ZNF816: variants seen among roughly 807,000 people sequenced by gnomAD.
The protein encoded by ZNF816 is zinc finger protein 816.
ZNF816 carries 11 observed loss-of-function variants against 8.3 expected under a neutral mutation model. That is an observed-to-expected ratio of 1.32 (90% confidence interval 0.83 to 2.19). The LOEUF is 2.19. Ranked by LOEUF, ZNF816 falls within the 30% of genes most tolerant of loss-of-function variation. The pLI, the probability that ZNF816 is intolerant of heterozygous loss-of-function variation, is 0.00. For missense variants in ZNF816, 710 were observed against 779.3 expected (o/e 0.91, Z 1.06); for synonymous variants, 255 against 254.5 (o/e 1.00, Z -0.02).
Position 52,951,034 on chromosome 19 carries a change from G to T in ZNF816, c.741C>A (p.His247Gln). 1.2e-6 allele frequency: 2 copies of T among 1,613,914 alleles called. No homozygotes were observed. The highest frequency in any genetic ancestry group is 1.1e-5 in the South Asian group (1 of 91,062). ...AFNYSSLLRR[H>Q]HITHSREREY... ...CTCTCTCTCTTGAATGGGTTATGTG[G>T]TGTCTCCTTAAGAGTGAGCTATAAT... The change falls in exon 4 of 4, where the codon CAC becomes CAA. Residue 247 changes from histidine to glutamine, a missense_variant. By Grantham distance (24) the His-to-Gln change is conservative. Coordinates refer to ENST00000444460, the MANE Select transcript of ZNF816 (RefSeq NM_001202457.3).
chr19:52,955,934 G>A, intron 2 of ZNF816, 93 bp downstream of exon 2: 1 of 1,484,416 alleles, frequency 6.7e-7, no homozygotes, highest in Admixed American at 2.1e-5. Flanking sequence ...GTGTGATGTA[G>A]AATGCTTCAC....
intron 3 of ZNF816, chr19:52,951,875 G>T: frequency 2.4e-6 from 1 of 413,472 alleles, no homozygotes; most frequent in Non-Finnish European, 4.2e-6. Flanking sequence ...TCCAGCCTGG[G>T]CAACAAGAGC....
At chr19:52,959,109 C>T (rs1490353222) in intron 1 of ZNF816, among the ~76,000 whole-genome samples, 1 of 152,222 alleles carries the variant, frequency 6.6e-6, no homozygotes, top group Non-Finnish European at 1.5e-5. Context: ...AAAGGTTAGC[C>T]CTCATGTTTG....
chr19:52,959,544 C>A (rs1208228978), intron 1 of ZNF816, among the ~76,000 whole-genome samples: 1 of 152,152 alleles, frequency 6.6e-6, no homozygotes, highest in Non-Finnish European at 1.5e-5. Flanking sequence ...GATGCCAGAT[C>A]GTTGTCCCAG....
intron 1 of ZNF816, 181 bp from the exon 2 acceptor site, chr19:52,956,285 C>T (rs1477905761): frequency 2.8e-5 from 18 of 632,684 alleles, no homozygotes; most frequent in Middle Eastern, 4.4e-4. Context: ...TAATTTTGAC[C>T]CGTTTTCAGA....
intron 1 of ZNF816, among the ~76,000 whole-genome samples, chr19:52,958,892 G>C (rs1422283587): frequency 6.6e-6 from 1 of 152,200 alleles, no homozygotes; most frequent in African/African-American, 2.4e-5. Flanking sequence ...GGAACCTTTT[G>C]AACGGAGATC....
chr19:52,952,873 C>A lies in ZNF816; in HGVS notation c.68G>T (p.Arg23Leu), dbSNP rs201394440. 1.3e-6 allele frequency: 2 copies of A among 1,594,638 alleles called. No homozygotes were observed. The highest frequency in any genetic ancestry group is 1.4e-5 in the African/African-American group (1 of 73,530). The change falls in exon 3 of 4, where the codon CGC becomes CTC. Residue 23 changes from arginine (R) to leucine (L), a missense_variant. By Grantham distance (102) the Arg-to-Leu change is moderately radical (BLOSUM62 -2). Coordinates refer to ENST00000444460, the MANE Select transcript of ZNF816 (RefSeq NM_001202457.3). ...TATAGCCACATCCCTGAAAGTCAAG[C>A]GTCCCTAAAATAAAAAACACGTTTC... ...KEPGMALPQG[R>L]LTFRDVAIEF...
rs200470966 is a variant in ZNF816 at position 52,956,002 on chromosome 19, G to T, written c.63+25C>A. 2,767 of 1,595,386 alleles carry T rather than the reference G, an allele frequency of 1.7e-3. 7 individuals are homozygous for T. The highest frequency in any genetic ancestry group is 3.9e-3 in the Admixed American group (208 of 53,584). Reference sequence around the variant, plus strand: ...CACTTCAGAAAGGAAAGAGACAGAAGAATCCACCAAGGAATATCACTTACC... The same window carrying T: ...CACTTCAGAAAGGAAAGAGACAGAATAATCCACCAAGGAATATCACTTACC... On this transcript the variant is annotated intron_variant, in intron 2 of 3. Transcript: ENST00000444460.
chr19:52,953,739 A>T (rs1458488559), intron 2 of ZNF816, among the ~76,000 whole-genome samples: 1 of 142,648 alleles, frequency 7.0e-6, no homozygotes, highest in Non-Finnish European at 1.5e-5. Flanking sequence ...TATATATTTT[A>T]TATATATATA....
chr19:52,952,170 A>C (rs1341860387), intron 3 of ZNF816, among the ~76,000 whole-genome samples: 1 of 152,098 alleles, frequency 6.6e-6, no homozygotes, highest in Non-Finnish European at 1.5e-5. Context: ...GGAGTTCAAG[A>C]CCAACTTGGC....
chr19:52,954,594 G>C (rs540456204), intron 2 of ZNF816, among the ~76,000 whole-genome samples: 2 of 152,116 alleles, frequency 1.3e-5, no homozygotes, highest in African/African-American at 4.8e-5. Context: ...GGAGGCCGAC[G>C]TGGAAGGATC....
chr19:52,952,622 A>G, intron 3 of ZNF816, 129 bp downstream of exon 3: 1 of 1,525,386 alleles, frequency 6.6e-7, no homozygotes, highest in Non-Finnish European at 8.8e-7. Flanking sequence ...GAGGGTCATC[A>G]CCGCAGAAAA....
At chr19:52,960,944 C>G (rs936563323) in intron 1 of ZNF816, among the ~76,000 whole-genome samples, 1 of 152,196 alleles carries the variant, frequency 6.6e-6, no homozygotes, top group East Asian at 1.9e-4. Context: ...GGAAGCTCAT[C>G]GTGGGACTCA....
chr19:52,953,634 A>G (rs905184061), intron 2 of ZNF816, among the ~76,000 whole-genome samples: 2 of 139,388 alleles, frequency 1.4e-5, no homozygotes, highest in African/African-American at 5.3e-5. Context: ...ATGATACAAT[A>G]TTATATATAA....
intron 2 of ZNF816, 57 bp downstream of exon 2, chr19:52,955,970 T>A: frequency 6.4e-7 from 1 of 1,574,088 alleles, no homozygotes; most frequent in African/African-American, 1.4e-5. Flanking sequence ...GCTACTACAA[T>A]ACCTGGCACT....
At position 52,949,953 on chromosome 19, in the gene ZNF816, GGCTT is replaced by G; in HGVS notation, c.1818_1821del (p.Ser607LeufsTer86). 1 of 1,613,926 alleles carries G rather than the reference GGCTT, an allele frequency of 6.2e-7. No individual in the cohort carries two copies. Among genetic ancestry groups the G allele is most frequent in the Non-Finnish European group, 8.5e-7 (1 of 1,179,896 alleles). Reference sequence around the variant, plus strand: ...GTATGAACTCTCTGATGTTTTGCAAGGCTTGCTTTTTGATTAAAAACCTTGCCAC... The same window carrying G: ...GTATGAACTCTCTGATGTTTTGCAAGGCTTTTTGATTAAAAACCTTGCCAC... On this transcript the variant is annotated frameshift_variant, in exon 4 of 4. Transcript: ENST00000444460. LOFTEE classifies it low-confidence loss of function (END_TRUNC).
rs1239668470 is a variant in ZNF816, at chr19:52,949,612, T to C, written c.*207A>G. 3.5e-6 allele frequency: 3 copies of C among 852,046 alleles called. No homozygotes were observed. The highest frequency in any genetic ancestry group is 5.9e-6 in the Non-Finnish European group (3 of 507,254). The allele number at this position is 852,046 out of a possible 1,614,324, so 52.8% of individuals were successfully genotyped here. On this transcript the variant is annotated 3_prime_UTR_variant, in exon 4 of 4. Transcript: ENST00000444460. The stretch of plus-strand genomic sequence containing the variant: ...TCTCTCCTGTATGAATTCTATGTTT[T>C]GCATAGGATGAAGCTTGACTGAAGA...
rs771239133 is a variant in ZNF816, at chr19:52,951,484, G to A, written c.291C>T (p.His97=). Residue 97 remains histidine, a synonymous_variant, in exon 4 of 4, where the codon CAC becomes CAT. Coordinates refer to ENST00000444460, the MANE Select transcript of ZNF816 (RefSeq NM_001202457.3). ...TGTLQRHKSH[H]IGDFCFPEMK... ...TTTCTGGGAAGCAAAAATCTCCAAT[G>A]TGATGACTTTTATGTCTTTGCAACG... 7 of 1,613,970 alleles carry A rather than the reference G, an allele frequency of 4.3e-6. No homozygotes were observed. Among genetic ancestry groups the A allele is most frequent in the Non-Finnish European group, 4.2e-6 (5 of 1,179,910 alleles).
At position 52,952,942 on chromosome 19, in the gene ZNF816, T is replaced by C. The variant is rs898191197; in HGVS notation, c.64-65A>G. ...AGTGAGTTATTGCCCTCACGTGAAA[T>C]GAGAAAACAGAAAATAAGTATTGAT... On this transcript the variant is annotated intron_variant, in intron 2 of 3. Coordinates refer to ENST00000444460, the MANE Select transcript of ZNF816 (RefSeq NM_001202457.3). The C allele has an allele frequency of 5.9e-6, 9 of 1,527,128 alleles. No homozygotes were observed. In the Admixed American group the frequency reaches 1.8e-4, roughly 31 times the overall value. 94.6% of individuals were successfully genotyped at this position (1,527,128 alleles called of 1,614,324 possible). A position where few individuals can be genotyped will look rare whatever the true frequency, so the allele number is the denominator to read the frequency against.
Sources: gnomAD v4.1 joint callset for allele counts (sites outside exome capture counted in the v4.1 genomes callset) on GRCh38, gnomAD v4.1.1 for gene constraint, MANE v1.5 for transcripts, NCBI Gene and HGNC (gene_info 2026-07-23, HGNC 2026-07-21) for gene names.